The following VWA3A variants were observed in gnomAD, a reference collection of about 807,000 sequenced individuals.
VWA3A encodes von Willebrand factor A domain-containing protein 3A.
VWA3A carries 134 observed loss-of-function variants against 160.4 expected under a neutral mutation model. The observed-to-expected ratio is 0.84, with a 90% confidence interval of 0.73 to 0.96. The LOEUF (loss-of-function observed/expected upper bound fraction) is 0.96. Among genes scored for constraint, VWA3A ranks in the 40% least tolerant of loss-of-function variants. The pLI, the probability that VWA3A is intolerant of heterozygous loss-of-function variation, is 0.00. For missense variants in VWA3A, 1,310 were observed against 1,447.9 expected, an observed-to-expected ratio of 0.90 and a Z score of 1.55; for synonymous variants, 476 against 543.4, an observed-to-expected ratio of 0.88 and a Z score of 1.72.
Position 22,123,146 on chromosome 16 carries a change from C to A in VWA3A, c.1418C>A (p.Pro473His). 9.3e-6 allele frequency: 15 copies of A among 1,604,430 alleles called. No homozygotes were observed. Among genetic ancestry groups the A allele is most frequent in the Non-Finnish European group, 1.2e-5 (14 of 1,175,370 alleles). ...GTVKNIHVDP[P>H]FLYKYQQQLS... ...GTGAAGAACATTCATGTGGACCCAC[C>A]CTTCCTCTATAAGTACCAGGTCAGT... The change falls in exon 15 of 34, where the codon CCC becomes CAC. Residue 473 changes from proline (P) to histidine (H), a missense_variant. Physicochemically the swap from Pro to His is moderately conservative, Grantham distance 77. Transcript: ENST00000389398.
At chr16:22,146,019 C>A (rs1397736377) in intron 26 of VWA3A, among the ~76,000 whole-genome samples, 1 of 152,064 alleles carries the variant, frequency 6.6e-6, no homozygotes, top group East Asian at 1.9e-4. Flanking sequence ...ATGAGGTCTC[C>A]CTATGTTACC....
Position 22,148,211 on chromosome 16 carries a change from G to T in VWA3A, c.2889G>T (p.Leu963Phe). 1 of 1,602,430 alleles carries T rather than the reference G, an allele frequency of 6.2e-7. No homozygotes were observed. The highest frequency in any genetic ancestry group is 8.5e-7 in the Non-Finnish European group (1 of 1,174,802). The change falls in exon 28 of 34, where the codon TTG (leucine) becomes TTT (phenylalanine). Residue 963 changes from leucine to phenylalanine, a missense_variant. Leu to Phe is a conservative substitution (Grantham distance 22, BLOSUM62 0). Transcript: ENST00000389398. ...TTTTGGAGAGCAAAGTATGCATATT[G>T]CTGGACACGTCAGGGTCCATGGGCC... Reference protein sequence around the residue: ...GTVLESKVCILLDTSGSMGPY... With the variant: ...GTVLESKVCIFLDTSGSMGPY...
chr16:22,125,581 G>A (rs1407048248), intron 16 of VWA3A, among the ~76,000 whole-genome samples: 7 of 151,746 alleles, frequency 4.6e-5, no homozygotes, highest in African/African-American at 7.3e-5. Flanking sequence ...CCGCCACCAC[G>A]CTCGGCTAAT....
intron 28 of VWA3A, among the ~76,000 whole-genome samples, chr16:22,149,116 C>T (rs1412705434): frequency 1.3e-5 from 2 of 152,088 alleles, no homozygotes; most frequent in Non-Finnish European, 2.9e-5. Context: ...ACAATGAGCC[C>T]GTGAGGTGTT....
At chr16:22,136,376 C>T (rs887853322) in intron 21 of VWA3A, among the ~76,000 whole-genome samples, 11 of 151,962 alleles carry the variant, frequency 7.2e-5, no homozygotes, top group African/African-American at 1.7e-4. Flanking sequence ...GCAGGGAAGG[C>T]GGGTCTGGGA....
At chr16:22,145,451 C>T (rs1478154501) in intron 26 of VWA3A, among the ~76,000 whole-genome samples, 1 of 152,050 alleles carries the variant, frequency 6.6e-6, no homozygotes, top group African/African-American at 2.4e-5. Context: ...CCACCCTGGC[C>T]AACACAGTGA....
At chr16:22,107,044 G>A (rs2045492277) in intron 6 of VWA3A, among the ~76,000 whole-genome samples, 2 of 152,212 alleles carry the variant, frequency 1.3e-5, no homozygotes, top group Non-Finnish European at 2.9e-5. Context: ...CAGACATCCA[G>A]ACAGAGAAGC....
chr16:22,142,521 G>A (rs1489195460), intron 24 of VWA3A, 147 bp from the exon 25 acceptor site: 5 of 605,460 alleles, frequency 8.3e-6, no homozygotes, highest in Non-Finnish European at 1.5e-5. Context: ...ACCAGAGAGA[G>A]CATTGATCTA....
chr16:22,126,263 C>T lies in VWA3A; in HGVS notation c.1618C>T (p.Gln540Ter). The T allele has an allele frequency of 1.2e-6, 2 of 1,613,944 alleles. No homozygotes were observed. The highest frequency in any genetic ancestry group is 1.1e-5 in the South Asian group (1 of 91,072). Residue 540 changes from glutamine (Q) to a stop codon, truncating the protein, a stop_gained, in exon 17 of 34, where the codon CAG (glutamine) becomes TAG (stop). Transcript: ENST00000389398. LOFTEE classifies it high-confidence loss of function. ...QHSLRLLLEEQLSNKDCFNLI... is the reference protein window; with the variant it reads ...QHSLRLLLEE ...CTCCCTGCGGCTGCTGCTGGAGGAG[C>T]AGTTATCCAACAAGGACTGTTTCAA...
At chr16:22,138,316 C>A in intron 21 of VWA3A, 44 bp from the exon 22 acceptor site, 1 of 1,518,046 alleles carries the variant, frequency 6.6e-7, no homozygotes, top group South Asian at 1.2e-5. Context: ...TGTGTGTGTC[C>A]ACAGTGGCTG....
At chr16:22,141,320 A>G (rs1425748643) in intron 23 of VWA3A, 2 of 619,448 alleles carry the variant, frequency 3.2e-6, no homozygotes, top group Middle Eastern at 2.8e-4. Flanking sequence ...GACTGTGAGG[A>G]TGAAGCAAGG....
At chr16:22,129,961 G>A (rs1430079867) in intron 17 of VWA3A, among the ~76,000 whole-genome samples, 1 of 152,158 alleles carries the variant, frequency 6.6e-6, no homozygotes, top group Non-Finnish European at 1.5e-5. Flanking sequence ...GATGAGGCAT[G>A]TGGATCACTT....
chr16:22,155,538 A>G (rs368408322), intron 31 of VWA3A, 29 bp from the exon 32 acceptor site: 66 of 1,604,102 alleles, frequency 4.1e-5, no homozygotes, highest in Non-Finnish European at 5.2e-5. Context: ...ATCCAGTCAT[A>G]AACTTCACAC....
intron 17 of VWA3A, among the ~76,000 whole-genome samples, chr16:22,127,529 T>A (rs999579660): frequency 2.0e-4 from 31 of 152,164 alleles, no homozygotes; most frequent in Admixed American, 2.0e-3. Context: ...TTATACAACC[T>A]CATACCAAAT....
At chr16:22,120,491 T>C (rs906776223) in intron 12 of VWA3A, among the ~76,000 whole-genome samples, 2 of 152,228 alleles carry the variant, frequency 1.3e-5, no homozygotes, top group Non-Finnish European at 2.9e-5. Flanking sequence ...CACTCAGATA[T>C]AGCAAAATTC....
At chr16:22,142,832 C>T in intron 25 of VWA3A, 67 bp downstream of exon 25, 1 of 1,187,920 alleles carries the variant, frequency 8.4e-7, no homozygotes, top group Non-Finnish European at 1.2e-6. Flanking sequence ...CCAACCATTA[C>T]TTCTAGGATG....
intron 7 of VWA3A, among the ~76,000 whole-genome samples, chr16:22,110,301 T>C (rs946273767): frequency 6.6e-6 from 1 of 152,172 alleles, no homozygotes; most frequent in Non-Finnish European, 1.5e-5. Context: ...TTCTTACGGG[T>C]ACCATGGCAG....
rs994000522 is a variant in VWA3A at position 22,123,253 on chromosome 16, A to G, written c.1437+88A>G. 13 of 1,305,742 alleles carry G rather than the reference A, an allele frequency of 1.0e-5. No individual in the cohort carries two copies. In the Admixed American group the frequency reaches 1.8e-4, roughly 18 times the overall value. 80.9% of individuals were successfully genotyped at this position (1,305,742 alleles called of 1,614,324 possible). A position where few individuals can be genotyped will look rare whatever the true frequency, so the allele number is the denominator to read the frequency against. ...CCCTGGGCTATGAAGTCACCAAGCC[A>G]TTGACTCAACTCCCTCTTGTAAAGA... On this transcript the variant is annotated intron_variant, in intron 15 of 33. Coordinates refer to ENST00000389398, the MANE Select transcript of VWA3A (RefSeq NM_173615.5).
At position 22,097,602 on chromosome 16, in the gene VWA3A, G is replaced by T. The variant is rs201619296; in HGVS notation, c.132G>T (p.Lys44Asn). The change falls in exon 3 of 34, where the codon AAG becomes AAT. Residue 44 changes from lysine to asparagine, a missense_variant. By Grantham distance (94) the Lys-to-Asn change is moderately conservative. Coordinates refer to ENST00000389398, the MANE Select transcript of VWA3A (RefSeq NM_173615.5). ...CIRRNTGRDS[K>N]KPLKQKNMNG... ...GGAGAAACACTGGCAGAGATTCAAA[G>T]AAGCCACTAAAGCAGAAGAATATGA... is the stretch of plus-strand genomic sequence containing the variant. 3.2e-6 allele frequency: 5 copies of T among 1,551,340 alleles called. No individual in the cohort carries two copies. Among genetic ancestry groups the T allele is most frequent in the Non-Finnish European group, 3.5e-6 (4 of 1,146,968 alleles).
Sources: gnomAD v4.1 joint callset for allele counts (sites outside exome capture counted in the v4.1 genomes callset) on GRCh38, gnomAD v4.1.1 for gene constraint, MANE v1.5 for transcripts, NCBI Gene and HGNC (gene_info 2026-07-23, HGNC 2026-07-21) for gene names.